FSTL5: variants seen among roughly 807,000 people sequenced by gnomAD.
FSTL5 encodes the protein follistatin like 5.
A neutral mutation model predicts 89.1 loss-of-function variants in FSTL5; 62 were observed. That is an observed-to-expected ratio of 0.70 (90% CI 0.57 to 0.86). The LOEUF (loss-of-function observed/expected upper bound fraction) is 0.86. FSTL5 is among the 40% of genes least tolerant of loss of function. The pLI is 0.00. For missense variants in FSTL5, 1,057 were observed against 1,001.6 expected (o/e 1.06, Z -0.75); for synonymous variants, 383 against 346.2 (o/e 1.11, Z -1.18).
chr4:161,730,539 T>C (rs918602102), intron 6 of FSTL5, among the ~76,000 whole-genome samples: 2 of 152,170 alleles, frequency 1.3e-5, no homozygotes, highest in African/African-American at 2.4e-5. Context: ...AAGATTTTCC[T>C]GCAATGGTAT....
chr4:161,497,611 A>C (rs567838543), intron 12 of FSTL5, among the ~76,000 whole-genome samples: 1 of 146,374 alleles, frequency 6.8e-6, no homozygotes, highest in African/African-American at 2.5e-5. Context: ...AACCTTTATA[A>C]ACTTTTTAAT....
chr4:162,107,049 G>A (rs1272482896), intron 2 of FSTL5, among the ~76,000 whole-genome samples: 1 of 152,186 alleles, frequency 6.6e-6, no homozygotes, highest in African/African-American at 2.4e-5. Context: ...GCCAGAACTA[G>A]ACACATGGTC....
At chr4:162,016,446 C>T (rs191949493) in intron 3 of FSTL5, among the ~76,000 whole-genome samples, 8 of 152,280 alleles carry the variant, frequency 5.3e-5, no homozygotes, top group Non-Finnish European at 7.4e-5. Context: ...GCTGCAGCTG[C>T]TGAAGGAAGC....
chr4:161,945,329 G>C (rs1305770486), intron 3 of FSTL5, among the ~76,000 whole-genome samples: 1 of 152,116 alleles, frequency 6.6e-6, no homozygotes, highest in Non-Finnish European at 1.5e-5. Flanking sequence ...TGCTATAGTT[G>C]AGAACTCTAT....
chr4:161,983,274 C>T (rs1335456376), intron 3 of FSTL5, among the ~76,000 whole-genome samples: 1 of 152,148 alleles, frequency 6.6e-6, no homozygotes, highest in African/African-American at 2.4e-5. Flanking sequence ...TCTTTTATGA[C>T]TTCCACTCAA....
Position 161,459,484 on chromosome 4 carries a change from C to T in FSTL5, c.1609-165G>A, listed in dbSNP as rs192898310. Among the ~76,000 whole-genome samples, 84 of 152,032 alleles carry T rather than the reference C, an allele frequency of 5.5e-4. No individual in the cohort carries two copies. The East Asian group carries it at 0.015, about 28-fold the overall frequency. On this transcript the variant is annotated intron_variant, in intron 13 of 15. Transcript: ENST00000306100. Reference sequence around the variant, plus strand: ...TGATATTTGAAAATATCATACTTTACTCATGTATATTCATATACATGAATA... The same window carrying T: ...TGATATTTGAAAATATCATACTTTATTCATGTATATTCATATACATGAATA...
chr4:161,883,111 A>AT (rs1471193967), intron 4 of FSTL5, among the ~76,000 whole-genome samples: 1 of 152,130 alleles, frequency 6.6e-6, no homozygotes, highest in Non-Finnish European at 1.5e-5. Context: ...GGGAAGTGTG[A>AT]TTTTGTTTTC....
intron 6 of FSTL5, among the ~76,000 whole-genome samples, chr4:161,670,691 T>G (rs1737067674): frequency 6.6e-6 from 1 of 152,220 alleles, no homozygotes. Context: ...ACAGTGAGTG[T>G]CCCTTTAGGA....
At chr4:161,942,273 G>C (rs1734608885) in intron 3 of FSTL5, among the ~76,000 whole-genome samples, 1 of 149,110 alleles carries the variant, frequency 6.7e-6, no homozygotes, top group Non-Finnish European at 1.5e-5. Flanking sequence ...AAATAATAAA[G>C]ATTAGGACAG....
At chr4:162,066,722 GGC>G (rs1222878272) in intron 2 of FSTL5, among the ~76,000 whole-genome samples, 1 of 151,596 alleles carries the variant, frequency 6.6e-6, no homozygotes, top group African/African-American at 2.4e-5. Context: ...TAAGAATGAT[GGC>G]TTCCTGTTTC....
chr4:161,558,531 A>T (rs1438627508), intron 8 of FSTL5, among the ~76,000 whole-genome samples: 2 of 148,176 alleles, frequency 1.3e-5, no homozygotes, highest in African/African-American at 5.0e-5. Flanking sequence ...ATGCCACCCC[A>T]CTGGAACTCT....
intron 13 of FSTL5, among the ~76,000 whole-genome samples, chr4:161,477,573 A>G (rs115524848): frequency 0.029 from 4,370 of 151,342 alleles, 148 homozygotes; most frequent in East Asian, 0.12. Context: ...TTTCATTTAT[A>G]TTTTCCTTCT....
intron 4 of FSTL5, among the ~76,000 whole-genome samples, chr4:161,877,173 G>C (rs1732471248): frequency 7.9e-6 from 1 of 126,752 alleles, no homozygotes; most frequent in African/African-American, 2.9e-5. Context: ...GACAGAGCTA[G>C]ACTCTGTCTC....
At chr4:161,818,792 G>A (rs1381446688) in intron 4 of FSTL5, among the ~76,000 whole-genome samples, 3 of 152,096 alleles carry the variant, frequency 2.0e-5, no homozygotes, top group Non-Finnish European at 4.4e-5. Context: ...CCTCTTCTCA[G>A]TAATTATAAC....
At chr4:161,598,156 A>T (rs1017784124) in intron 7 of FSTL5, among the ~76,000 whole-genome samples, 2 of 151,272 alleles carry the variant, frequency 1.3e-5, no homozygotes, top group African/African-American at 4.9e-5. Context: ...TAGATCTCAA[A>T]CTGAAGTCAG....
intron 4 of FSTL5, among the ~76,000 whole-genome samples, chr4:161,803,766 A>T (rs1443885122): frequency 6.6e-6 from 1 of 152,078 alleles, no homozygotes; most frequent in Non-Finnish European, 1.5e-5. Context: ...CCTACAAATT[A>T]TTGCTAACTT....
rs536951678 is a variant in FSTL5, at chr4:161,951,949, T to C, written c.161-31297A>G. The stretch of plus-strand genomic sequence containing the variant: ...TTTTACGAGAAAGATTTAGATGTAC[T>C]ATAAACAAATTCATTGATTCCTTAA... On this transcript the variant is annotated intron_variant, in intron 3 of 15. Transcript: ENST00000306100. Among the ~76,000 whole-genome samples the C allele has an allele frequency of 1.4e-4, 21 of 152,186 alleles. No individual in the cohort carries two copies. The East Asian group carries it at 3.9e-3, about 28-fold the overall frequency.
At chr4:161,962,469 C>T (rs998941091) in intron 3 of FSTL5, among the ~76,000 whole-genome samples, 6 of 151,834 alleles carry the variant, frequency 4.0e-5, no homozygotes. Flanking sequence ...TGATACCTTG[C>T]TATGAACTTG....
At chr4:161,743,039 T>A (rs28473189) in intron 6 of FSTL5, among the ~76,000 whole-genome samples, 1 of 152,176 alleles carries the variant, frequency 6.6e-6, no homozygotes, top group Non-Finnish European at 1.5e-5. Flanking sequence ...GATAGTGTTC[T>A]TTGATGCATG....
Sources: gnomAD v4.1 joint callset for allele counts (sites outside exome capture counted in the v4.1 genomes callset) on GRCh38, gnomAD v4.1.1 for gene constraint, MANE v1.5 for transcripts, NCBI Gene and HGNC (gene_info 2026-07-23, HGNC 2026-07-21) for gene names.